TMTC2: variants seen among roughly 807,000 people sequenced by gnomAD.
The protein encoded by TMTC2 is protein O-mannosyl-transferase TMTC2.
A neutral mutation model predicts 82.4 loss-of-function variants in TMTC2; 43 were observed. The ratio of observed to expected loss-of-function variants is 0.52; its 90% CI spans 0.41 to 0.67. TMTC2 has a LOEUF of 0.67. Among genes scored for constraint, TMTC2 ranks in the 30% least tolerant of loss-of-function variants. TMTC2 has a pLI of 0.00. For synonymous variants in TMTC2, 408 were observed against 381.9 expected (o/e 1.07, Z -0.80); for missense variants, 919 against 1,012.4 (o/e 0.91, Z 1.25).
At chr12:82,868,507 C>T (rs918258181) in intron 2 of TMTC2, among the ~76,000 whole-genome samples, 2 of 152,128 alleles carry the variant, frequency 1.3e-5, no homozygotes, top group African/African-American at 4.8e-5. Context: ...CTCATACTTT[C>T]AGAGCCTGCT....
At chr12:82,964,582 C>G (rs1878102399) in intron 4 of TMTC2, among the ~76,000 whole-genome samples, 1 of 152,104 alleles carries the variant, frequency 6.6e-6, no homozygotes, top group African/African-American at 2.4e-5. Flanking sequence ...TTTCAGGCAG[C>G]CAAGCACCAA....
chr12:82,723,097 C>T (rs1874288287), intron 1 of TMTC2, among the ~76,000 whole-genome samples: 1 of 152,106 alleles, frequency 6.6e-6, no homozygotes, highest in African/African-American at 2.4e-5. Flanking sequence ...ACATTTATGC[C>T]ACATCAATAA....
intron 1 of TMTC2, among the ~76,000 whole-genome samples, chr12:82,830,894 G>A (rs1869710643): frequency 1.3e-5 from 2 of 151,988 alleles, no homozygotes; most frequent in African/African-American, 2.4e-5. Flanking sequence ...TATTTTACAT[G>A]GAAAAATATT....
At chr12:83,094,502 G>A (rs948954272) in intron 11 of TMTC2, among the ~76,000 whole-genome samples, 1 of 152,156 alleles carries the variant, frequency 6.6e-6, no homozygotes, top group African/African-American at 2.4e-5. Flanking sequence ...GGATCCTTTC[G>A]TGGTCAGAAA....
At chr12:82,716,245 T>C (rs1293574614) in intron 1 of TMTC2, among the ~76,000 whole-genome samples, 1 of 152,228 alleles carries the variant, frequency 6.6e-6, no homozygotes, top group African/African-American at 2.4e-5. Flanking sequence ...TCTAGTCTTA[T>C]TTGTGCCATC....
At chr12:82,991,790 A>G (rs925439955) in intron 8 of TMTC2, among the ~76,000 whole-genome samples, 1 of 152,236 alleles carries the variant, frequency 6.6e-6, no homozygotes, top group Non-Finnish European at 1.5e-5. Context: ...TAACATTTCC[A>G]TTAATATGGT....
At chr12:83,109,398 G>A (rs577311342) in intron 11 of TMTC2, among the ~76,000 whole-genome samples, 2 of 152,234 alleles carry the variant, frequency 1.3e-5, no homozygotes, top group Non-Finnish European at 2.9e-5. Context: ...CCAACACTGG[G>A]AATTACAATT....
chr12:82,813,696 A>G (rs1364696991), intron 1 of TMTC2, among the ~76,000 whole-genome samples: 2 of 151,986 alleles, frequency 1.3e-5, no homozygotes, highest in Non-Finnish European at 2.9e-5. Context: ...TACCCTTTTA[A>G]TCTGTATTTC....
intron 1 of TMTC2, among the ~76,000 whole-genome samples, chr12:82,713,335 A>G (rs551404958): frequency 2.9e-4 from 44 of 152,268 alleles, no homozygotes; most frequent in Admixed American, 1.5e-3. Context: ...AGAAAAACAA[A>G]AAAAAACAAA....
chr12:82,900,825 A>C (rs949305114), intron 3 of TMTC2, among the ~76,000 whole-genome samples: 7 of 133,170 alleles, frequency 5.3e-5, no homozygotes, highest in African/African-American at 1.4e-4. Flanking sequence ...GAATATATAT[A>C]CCTGGAATAT....
At chr12:82,863,936 G>A (rs748369192) in intron 2 of TMTC2, among the ~76,000 whole-genome samples, 1 of 152,148 alleles carries the variant, frequency 6.6e-6, no homozygotes, top group Non-Finnish European at 1.5e-5. Context: ...GAATGGTGGG[G>A]GAGTTGAGAG....
At chr12:82,991,436 A>T (rs1879399160) in intron 8 of TMTC2, among the ~76,000 whole-genome samples, 1 of 152,186 alleles carries the variant, frequency 6.6e-6, no homozygotes, top group African/African-American at 2.4e-5. Flanking sequence ...GAATTTTATT[A>T]TTAGGCATGA....
intron 1 of TMTC2, among the ~76,000 whole-genome samples, chr12:82,788,838 A>T (rs2137019483): frequency 6.6e-6 from 1 of 151,918 alleles, no homozygotes; most frequent in Middle Eastern, 3.4e-3. Context: ...CTCTCTCTTC[A>T]CTTTCAGAAC....
At chr12:82,827,887 C>T (rs898536788) in intron 1 of TMTC2, among the ~76,000 whole-genome samples, 1 of 150,126 alleles carries the variant, frequency 6.7e-6, no homozygotes, top group Non-Finnish European at 1.5e-5. Context: ...TTTCTTTTTT[C>T]GTTTTCTTTT....
At chr12:82,816,325 G>A (rs1015057150) in intron 1 of TMTC2, among the ~76,000 whole-genome samples, 2 of 151,984 alleles carry the variant, frequency 1.3e-5, no homozygotes, top group Non-Finnish European at 2.9e-5. Flanking sequence ...AGCTTCACTT[G>A]TGAAAAATTC....
At chr12:82,819,457 T>A (rs1199764723) in intron 1 of TMTC2, among the ~76,000 whole-genome samples, 2 of 151,628 alleles carry the variant, frequency 1.3e-5, no homozygotes, top group African/African-American at 4.8e-5. Flanking sequence ...AACTAGACAC[T>A]GTTGTTCATG....
chr12:82,688,600 T>G (rs929440261), intron 1 of TMTC2, among the ~76,000 whole-genome samples: 6 of 152,214 alleles, frequency 3.9e-5, no homozygotes, highest in Non-Finnish European at 5.9e-5. Flanking sequence ...TGATTACAAT[T>G]AAAACAGATG....
intron 1 of TMTC2, among the ~76,000 whole-genome samples, chr12:82,705,669 AT>A (rs1437347600): frequency 6.6e-6 from 1 of 152,224 alleles, no homozygotes; most frequent in African/African-American, 2.4e-5. Context: ...AGTCATTCTT[AT>A]GTAGAAATGT....
Position 83,101,071 on chromosome 12 carries a change from G to A in TMTC2, c.2332-31139G>A, listed in dbSNP as rs571657669. On this transcript the variant is annotated intron_variant, in intron 11 of 11. Transcript: ENST00000321196. ...TCACTCAATAGAACTTGATAAATGA[G>A]AAATAAATTTCTAAATTAAGTAAAT... 2.6e-5 allele frequency among the ~76,000 whole-genome samples: 4 copies of A among 152,262 alleles called. No individual in the cohort carries two copies. In the East Asian group the frequency reaches 7.7e-4, roughly 29 times the overall value.
Sources: allele counts gnomAD v4.1 joint callset (sites outside exome capture counted in the v4.1 genomes callset), GRCh38; gene constraint gnomAD v4.1.1; transcripts MANE v1.5; gene names NCBI Gene and HGNC (gene_info 2026-07-23, HGNC 2026-07-21).